PREX2: variants seen among roughly 807,000 people sequenced by gnomAD.
PREX2 encodes phosphatidylinositol 3,4,5-trisphosphate-dependent Rac exchanger 2 protein.
A neutral mutation model predicts 203.2 loss-of-function variants in PREX2; 107 were observed. The observed-to-expected ratio is 0.53, with a 90% CI of 0.45 to 0.62. The LOEUF is 0.62. PREX2 is among the 20% of genes least tolerant of loss of function. The pLI is 0.00. For missense variants in PREX2, 1,777 were observed against 1,955.9 expected (o/e 0.91, Z 1.72); for synonymous variants, 672 against 663.6 (o/e 1.01, Z -0.19).
intron 1 of PREX2, among the ~76,000 whole-genome samples, chr8:67,979,194 T>C (rs890434417): frequency 1.3e-5 from 2 of 152,206 alleles, no homozygotes; most frequent in African/African-American, 2.4e-5. Flanking sequence ...AGTGAATCAC[T>C]TGTTAGGATA....
chr8:68,077,324 T>C, intron 14 of PREX2, 73 bp from the exon 15 acceptor site: 1 of 1,029,444 alleles, frequency 9.7e-7, no homozygotes. Flanking sequence ...GTGCTGGGAA[T>C]GTTAAATGGA....
chr8:68,188,407 C>A (rs1191666839), intron 35 of PREX2, among the ~76,000 whole-genome samples: 1 of 152,040 alleles, frequency 6.6e-6, no homozygotes, highest in Non-Finnish European at 1.5e-5. Flanking sequence ...AGAAAGACAG[C>A]CAACAAAATG....
In PREX2 at chr8:68,069,080, C is replaced by T. The variant is rs866864487; in HGVS notation, c.1387C>T (p.Arg463Cys). The part of the protein sequence containing the change: ...FKPEQMLYRF[R>C]YDDGTFYPRN... ...ACCAGAACAGATGTTATATAGATTT[C>T]GCTATGATGATGGAACATTTTATCC... The change falls in exon 12 of 40, where the codon CGC becomes TGC. Residue 463 changes from arginine (R) to cysteine (C), a missense_variant. Arg to Cys is a radical substitution (Grantham distance 180). Coordinates refer to ENST00000288368, the MANE Select transcript of PREX2 (RefSeq NM_024870.4). 2.2e-5 allele frequency: 34 copies of T among 1,570,564 alleles called. No individual in the cohort carries two copies. The highest frequency in any genetic ancestry group is 5.6e-5 in the African/African-American group (4 of 71,968).
intron 1 of PREX2, among the ~76,000 whole-genome samples, chr8:67,990,913 A>G (rs1258409936): frequency 6.6e-6 from 1 of 152,086 alleles, no homozygotes; most frequent in Non-Finnish European, 1.5e-5. Context: ...CACTAAGCTC[A>G]CCTCACCCAA....
chr8:68,044,452 G>T (rs1471981464), intron 7 of PREX2, 35 bp from the exon 8 acceptor site: 1 of 1,428,294 alleles, frequency 7.0e-7, no homozygotes, highest in African/African-American at 1.4e-5. Flanking sequence ...ACATTGTTTA[G>T]TAACAAAGTC....
intron 37 of PREX2, among the ~76,000 whole-genome samples, chr8:68,195,977 G>T (rs1209673746): frequency 5.7e-4 from 87 of 152,176 alleles, no homozygotes. Context: ...ATCTGAATCA[G>T]ATGGCAGAGC....
At chr8:68,174,794 C>T (rs16934276) in intron 35 of PREX2, among the ~76,000 whole-genome samples, 1 of 152,086 alleles carries the variant, frequency 6.6e-6, no homozygotes, top group Admixed American at 6.6e-5. Flanking sequence ...CGTGAATGCT[C>T]AAAAGCCAGA....
In PREX2 at chr8:68,219,121, C is replaced by T. The variant is rs896658657; in HGVS notation, c.4707+1403C>T. Among the ~76,000 whole-genome samples, 6 of 152,144 alleles carry T rather than the reference C, an allele frequency of 3.9e-5. No homozygotes were observed. The South Asian group carries it at 6.2e-4, about 16-fold the overall frequency. On this transcript the variant is annotated intron_variant, in intron 38 of 39. Coordinates refer to ENST00000288368, the MANE Select transcript of PREX2 (RefSeq NM_024870.4). ...TAGGTTTGTAGGAAGACTTGGGAAG[C>T]GCCATCTCAAAATTATAGCTTATAA...
At chr8:67,994,521 G>A (rs191646755) in intron 1 of PREX2, among the ~76,000 whole-genome samples, 36 of 152,264 alleles carry the variant, frequency 2.4e-4, no homozygotes, top group African/African-American at 8.2e-4. Context: ...TGAAGACAAT[G>A]ATATAGCTGC....
At chr8:68,078,969 T>C (rs2129611853) in intron 15 of PREX2, among the ~76,000 whole-genome samples, 1 of 152,294 alleles carries the variant, frequency 6.6e-6, no homozygotes, top group African/African-American at 2.4e-5. Flanking sequence ...GGGAAACAGC[T>C]GTAGCAGAAA....
chr8:68,125,216 C>T (rs2129613206), intron 30 of PREX2, among the ~76,000 whole-genome samples: 1 of 152,176 alleles, frequency 6.6e-6, no homozygotes, highest in East Asian at 1.9e-4. Flanking sequence ...TCCTATTCAA[C>T]TTAAGTCATT....
rs1385587620 is a variant in PREX2, at chr8:68,157,348, T to C, written c.4258T>C (p.Tyr1420His). Residue 1420 changes from tyrosine to histidine, a missense_variant, in exon 35 of 40, where the codon TAC becomes CAC. Tyr to His is a moderately conservative substitution (Grantham distance 83). Transcript: ENST00000288368. ...QALESMEGYY[Y>H]RDNVSVEEFQ... Reference sequence around the variant, plus strand: ...ACTAGAGAGCATGGAAGGATATTATTACAGAGACAATGTTTCTGTGGAAGA... The same window carrying C: ...ACTAGAGAGCATGGAAGGATATTATCACAGAGACAATGTTTCTGTGGAAGA... 32 of 1,608,466 alleles carry C rather than the reference T, an allele frequency of 2.0e-5. No homozygotes were observed. Among genetic ancestry groups the C allele is most frequent in the Non-Finnish European group, 2.6e-5 (31 of 1,175,130 alleles).
chr8:67,984,866 G>A (rs1173347868), intron 1 of PREX2, among the ~76,000 whole-genome samples: 1 of 152,142 alleles, frequency 6.6e-6, no homozygotes, highest in African/African-American at 2.4e-5. Flanking sequence ...TGCGATGTGG[G>A]GTGAGGAGGA....
rs1299168118 is a variant in PREX2 at position 68,080,858 on chromosome 8, T to A, written c.1878+20T>A. 3 of 1,264,382 alleles carry A rather than the reference T, an allele frequency of 2.4e-6. No individual in the cohort carries two copies. The highest frequency in any genetic ancestry group is 3.0e-5 in the African/African-American group (2 of 66,482). The allele number at this position is 1,264,382 out of a possible 1,614,324, so 78.3% of individuals were successfully genotyped here. A position where few individuals can be genotyped will look rare whatever the true frequency, so the allele number is the denominator to read the frequency against. ...GCTGAGGTAATGTAAATTAGCGTTT[T>A]AATTTAAATTTGTTATCATGACATA... is the stretch of plus-strand genomic sequence containing the variant. On this transcript the variant is annotated intron_variant, in intron 17 of 39. Transcript: ENST00000288368.
At chr8:68,116,381 C>T (rs560091912) in intron 26 of PREX2, among the ~76,000 whole-genome samples, 23 of 152,268 alleles carry the variant, frequency 1.5e-4, no homozygotes, top group African/African-American at 4.8e-4. Context: ...TTGCCTACCT[C>T]GGAGACAAGG....
chr8:68,083,363 G>A lies in PREX2; in HGVS notation c.2002G>A (p.Val668Ile). ...TTTAAACAGCAGAAAACCTCTAAGA[G>A]TTCTTGTGAGCACAAAGCCAAGAGA... ...SCLNSRKPLR[V>I]LVSTKPRETV... Residue 668 changes from valine (V) to isoleucine (I), a missense_variant, in exon 18 of 40, where the codon GTT becomes ATT. Transcript: ENST00000288368. 2 of 1,610,010 alleles carry A rather than the reference G, an allele frequency of 1.2e-6. No homozygotes were observed. Among genetic ancestry groups the A allele is most frequent in the East Asian group, 2.2e-5 (1 of 44,810 alleles).
chr8:68,146,729 GTC>G (rs1454884539), intron 34 of PREX2, among the ~76,000 whole-genome samples: 2 of 152,064 alleles, frequency 1.3e-5, no homozygotes, highest in Admixed American at 1.3e-4. Flanking sequence ...TTATACTTTA[GTC>G]TCAATTATAT....
At chr8:68,110,828 G>T in intron 25 of PREX2, 1 of 274,474 alleles carries the variant, frequency 3.6e-6, no homozygotes, top group Non-Finnish European at 7.4e-6. Flanking sequence ...TATTTACTTT[G>T]CTAATTTTCT....
intron 6 of PREX2, 96 bp downstream of exon 6, chr8:68,030,754 T>A: frequency 8.6e-7 from 1 of 1,158,384 alleles, no homozygotes; most frequent in South Asian, 1.4e-5. Flanking sequence ...TAAATGGTCA[T>A]TTTCTCAGAT....
Sources: gnomAD v4.1 joint callset for allele counts (sites outside exome capture counted in the v4.1 genomes callset) on GRCh38, gnomAD v4.1.1 for gene constraint, MANE v1.5 for transcripts, NCBI Gene and HGNC (gene_info 2026-07-23, HGNC 2026-07-21) for gene names.